Variants in USH2A observed in about 807,000 individuals in gnomAD.
USH2A encodes usherin, also known as Usher syndrome 2A (autosomal recessive, mild).
USH2A carries 443 observed loss-of-function variants against 538.9 expected under a neutral mutation model. That is an observed-to-expected ratio of 0.82 (90% CI 0.76 to 0.89). The LOEUF (loss-of-function observed/expected upper bound fraction) is 0.89. Ranked by LOEUF, USH2A falls within the 40% of genes least tolerant of loss-of-function variation. The pLI is 0.00. For missense variants in USH2A, 6,633 were observed against 6,324.8 expected, an observed-to-expected ratio of 1.05 and a Z score of -1.65; for synonymous variants, 2,413 against 2,273.5, an observed-to-expected ratio of 1.06 and a Z score of -1.75.
At chr1:216,077,225 AATT>A (rs1465247351) in intron 27 of USH2A, among the ~76,000 whole-genome samples, 1 of 152,154 alleles carries the variant, frequency 6.6e-6, no homozygotes, top group Admixed American at 6.6e-5. Flanking sequence ...TTTTCAAATT[AATT>A]ATTTCTCTGA....
chr1:216,253,814 A>T (rs1021337167), intron 11 of USH2A, among the ~76,000 whole-genome samples: 5 of 152,210 alleles, frequency 3.3e-5, no homozygotes, highest in Non-Finnish European at 7.4e-5. Flanking sequence ...TTAAATCATT[A>T]CTTTGCAATT....
Position 216,422,387 on chromosome 1 carries a change from C to T in USH2A, c.-51G>A, listed in dbSNP as rs1395646290. On this transcript the variant is annotated 5_prime_UTR_variant, in exon 2 of 72. Transcript: ENST00000307340. ...GATAAAGCATTTCTAAATAAATAAT[C>T]AGGCCCACGCCACTTGCCAGCAATA... 3 of 1,611,164 alleles carry T rather than the reference C, an allele frequency of 1.9e-6. No homozygotes were observed. The highest frequency in any genetic ancestry group is 1.3e-5 in the African/African-American group (1 of 74,944).
intron 9 of USH2A, among the ~76,000 whole-genome samples, chr1:216,296,003 C>T (rs570301011): frequency 2.0e-5 from 3 of 151,756 alleles, no homozygotes; most frequent in Non-Finnish European, 2.9e-5. Flanking sequence ...TCAATTTCTT[C>T]CTTTAACAAT....
chr1:216,165,315 C>T (rs2034145716), intron 21 of USH2A, among the ~76,000 whole-genome samples: 1 of 152,058 alleles, frequency 6.6e-6, no homozygotes, highest in South Asian at 2.1e-4. Context: ...GATCATGTAT[C>T]TAAGAGATGT....
rs1236022884 is a variant in USH2A at position 215,836,533 on chromosome 1, T to TATA, written c.9371+1455_9371+1457dup. Among the ~76,000 whole-genome samples, 20 of 27,908 alleles carry TATA rather than the reference T, an allele frequency of 7.2e-4. 1 individual carries two copies. Among genetic ancestry groups the TATA allele is most frequent in the South Asian group, 1.3e-3 (1 of 776 alleles). 18.3% of individuals were successfully genotyped at this position (27,908 alleles called of 152,430 possible). ...ATATATATATAATATATATTATATA[T>TATA]ATATATATAATATATATATATATAT... On this transcript the variant is annotated intron_variant, in intron 47 of 71. Coordinates refer to ENST00000307340, the MANE Select transcript of USH2A (RefSeq NM_206933.4).
Position 216,382,259 on chromosome 1 carries a change from T to A in USH2A, c.652-17174A>T, listed in dbSNP as rs80078502. ...ATAGAAAGGATGAGTGCATGTCTAC[T>A]CAGATTTTGAGATAAGAAAAGGCTT... is the stretch of plus-strand genomic sequence containing the variant. On this transcript the variant is annotated intron_variant, in intron 3 of 71. Coordinates refer to ENST00000307340, the MANE Select transcript of USH2A (RefSeq NM_206933.4). Among the ~76,000 whole-genome samples the A allele has an allele frequency of 4.9e-3, 752 of 152,298 alleles. 4 individuals are homozygous for A. Among genetic ancestry groups the A allele is most frequent in the African/African-American group, 0.017 (722 of 41,550 alleles).
At chr1:215,794,351 A>G (rs1272788305) in intron 50 of USH2A, among the ~76,000 whole-genome samples, 1 of 152,220 alleles carries the variant, frequency 6.6e-6, no homozygotes, top group Non-Finnish European at 1.5e-5. Context: ...GAGATGTTTT[A>G]CGAGCCAGCC....
intron 58 of USH2A, among the ~76,000 whole-genome samples, chr1:215,752,187 A>G (rs955633762): frequency 6.6e-6 from 1 of 152,184 alleles, no homozygotes; most frequent in Non-Finnish European, 1.5e-5. Flanking sequence ...GTAATTTTAA[A>G]TGGCAGGATA....
At chr1:215,716,571 T>C (rs1227031731) in intron 61 of USH2A, among the ~76,000 whole-genome samples, 2 of 152,230 alleles carry the variant, frequency 1.3e-5, no homozygotes, top group East Asian at 1.9e-4. Flanking sequence ...AATTCACTAC[T>C]TGTGTCTTGT....
At chr1:215,637,772 A>C (rs888129088) in intron 69 of USH2A, among the ~76,000 whole-genome samples, 3 of 152,186 alleles carry the variant, frequency 2.0e-5, no homozygotes, top group Admixed American at 2.0e-4. Context: ...TCTCAAAAAA[A>C]TTAAAAAAAA....
intron 21 of USH2A, among the ~76,000 whole-genome samples, chr1:216,137,189 G>A (rs568964962): frequency 1.3e-5 from 2 of 152,304 alleles, no homozygotes; most frequent in Admixed American, 1.3e-4. Context: ...GGCATGCAAA[G>A]TACGTTCCTT....
At chr1:216,356,897 A>G (rs1008068500) in intron 4 of USH2A, among the ~76,000 whole-genome samples, 4 of 152,092 alleles carry the variant, frequency 2.6e-5, no homozygotes, top group Admixed American at 2.6e-4. Flanking sequence ...GGTTACCCCA[A>G]ACTATTTCCA....
chr1:215,888,712 G>A lies in USH2A; in HGVS notation c.7937C>T (p.Pro2646Leu), dbSNP rs773857989. The A allele has an allele frequency of 6.2e-7, 1 of 1,614,120 alleles. No homozygotes were observed. Among genetic ancestry groups the A allele is most frequent in the Non-Finnish European group, 8.5e-7 (1 of 1,180,024 alleles). Reference sequence around the variant, plus strand: ...CACCAAGCCATTGGGGTGGGTAGGGGGTTGCCAAGATATAATCACAGATGT... The same window carrying A: ...CACCAAGCCATTGGGGTGGGTAGGGAGTTGCCAAGATATAATCACAGATGT... ...TPTSVIISWQ[P>L]PTHPNGLVEN... is the part of the protein sequence containing the mutation. The change falls in exon 41 of 72, where the codon CCC (proline) becomes CTC (leucine). Residue 2646 changes from proline (P) to leucine (L), a missense_variant. Pro to Leu is a moderately conservative substitution (Grantham distance 98). Transcript: ENST00000307340.
intron 60 of USH2A, 41 bp from the exon 61 acceptor site, chr1:215,728,425 C>T: frequency 6.3e-7 from 1 of 1,591,794 alleles, no homozygotes. Context: ...CAGCTGCACA[C>T]TTCAAAACAA....
chr1:215,845,829 T>C lies in USH2A; in HGVS notation c.9050A>G (p.Asp3017Gly), dbSNP rs776526672. ...NSAGLHATTC[D>G]GEPQGMLPPE... ...CCTTTAGAATCTGGACTCACCCCCA[T>C]CGCAAGTGGTTGCATGAAGTCCTGC... Residue 3017 changes from aspartate (D) to glycine (G), a missense_variant, in exon 45 of 72, where the codon GAT (aspartate) becomes GGT (glycine). Transcript: ENST00000307340. 12 of 1,613,436 alleles carry C rather than the reference T, an allele frequency of 7.4e-6. No homozygotes were observed. Among genetic ancestry groups the C allele is most frequent in the Non-Finnish European group, 1.0e-5 (12 of 1,179,734 alleles).
rs1662094147 is a variant in USH2A at position 215,795,283 on chromosome 1, T to A, written c.9958+3624A>T. On this transcript the variant is annotated intron_variant, in intron 50 of 71. Coordinates refer to ENST00000307340, the MANE Select transcript of USH2A (RefSeq NM_206933.4). The stretch of plus-strand genomic sequence containing the variant: ...CCACACCTGCCAAAATCATACTCAC[T>A]GTTTGAGATTCCAATCCAATGGAAC... Among the ~76,000 whole-genome samples the A allele has an allele frequency of 1.3e-5, 2 of 152,212 alleles. 1 individual carries two copies. Among genetic ancestry groups the A allele is most frequent in the South Asian group, 4.1e-4 (2 of 4,832 alleles).
intron 52 of USH2A, among the ~76,000 whole-genome samples, chr1:215,785,425 T>A (rs1031100045): frequency 6.6e-6 from 1 of 152,220 alleles, no homozygotes; most frequent in East Asian, 1.9e-4. Context: ...AATATGTTTC[T>A]TTCTCATGGC....
intron 3 of USH2A, among the ~76,000 whole-genome samples, chr1:216,416,040 C>T (rs188230786): frequency 3.9e-5 from 6 of 152,110 alleles, no homozygotes; most frequent in East Asian, 3.9e-4. Flanking sequence ...GTTGTAGGCA[C>T]CTGTAATCTC....
At chr1:216,286,981 A>G (rs1051477527) in intron 11 of USH2A, among the ~76,000 whole-genome samples, 1 of 152,168 alleles carries the variant, frequency 6.6e-6, no homozygotes, top group Admixed American at 6.5e-5. Context: ...TGAAACAAAC[A>G]CAATTTATAA....
Sources: gnomAD v4.1 joint callset for allele counts (sites outside exome capture counted in the v4.1 genomes callset) on GRCh38, gnomAD v4.1.1 for gene constraint, MANE v1.5 for transcripts, NCBI Gene and HGNC (gene_info 2026-07-23, HGNC 2026-07-21) for gene names.